Variants in AGAP1 observed in about 807,000 individuals in gnomAD.
AGAP1 encodes ArfGAP with GTPase domain, ankyrin repeat and PH domain 1, also known as arf-GAP with GTPase, ANK repeat and PH domain-containing protein 1.
In AGAP1, 29 loss-of-function variants were observed where a neutral mutation model predicts 105.3. The observed-to-expected ratio is 0.28, with a 90% CI of 0.21 to 0.38. The LOEUF is 0.38. Ranked by LOEUF, AGAP1 falls within the 10% of genes least tolerant of loss-of-function variation. The probability of loss-of-function intolerance (pLI) is 1.00; values close to 1 mark genes in which losing one functional copy is unlikely to be tolerated. For missense variants in AGAP1, 998 were observed against 1,165.1 expected, an observed-to-expected ratio of 0.86 and a Z score of 2.09; for synonymous variants, 509 against 485.9, an observed-to-expected ratio of 1.05 and a Z score of -0.63.
In AGAP1 at chr2:236,070,779, C is replaced by T. The variant is rs544901382; in HGVS notation, c.2114+21498C>T. 1.2e-3 allele frequency among the ~76,000 whole-genome samples: 184 copies of T among 151,404 alleles called. 1 individual carries two copies. Among genetic ancestry groups the T allele is most frequent in the African/African-American group, 4.1e-3 (169 of 41,218 alleles). Reference sequence around the variant, plus strand: ...GGGTGGCCCTGGGCCGGGGCAGGGGCGGGGAGGCATCAGGGGGATGGGCAG... The same window carrying T: ...GGGTGGCCCTGGGCCGGGGCAGGGGTGGGGAGGCATCAGGGGGATGGGCAG... On this transcript the variant is annotated intron_variant, in intron 16 of 17. Coordinates refer to ENST00000304032, the MANE Select transcript of AGAP1 (RefSeq NM_001037131.3).
rs910338872 is a variant in AGAP1, at chr2:236,128,104, C to G, written c.*3982C>G. On this transcript the variant is annotated 3_prime_UTR_variant, in exon 18 of 18. Transcript: ENST00000304032. The surrounding 1 kb of genome is among the most constrained non-coding windows in gnomAD (Gnocchi z 5.9). ...CCCCCCCCCAGTAGAGCCCAGGACC[C>G]TCCTCTCTCAGCTTGCCAGTGCCCT... The G allele has an allele frequency of 2.0e-5, 3 of 152,242 alleles. No individual in the cohort carries two copies. The highest frequency in any genetic ancestry group is 7.2e-5 in the African/African-American group (3 of 41,404). 9.4% of individuals were successfully genotyped at this position (152,242 alleles called of 1,614,324 possible).
At chr2:235,627,643 G>T (rs1316310909) in intron 1 of AGAP1, among the ~76,000 whole-genome samples, 1 of 152,142 alleles carries the variant, frequency 6.6e-6, no homozygotes, top group South Asian at 2.1e-4. Flanking sequence ...AGCAGCATCT[G>T]TTGATTTTGG....
chr2:235,914,063 C>T lies in AGAP1; in HGVS notation c.1324+5157C>T, dbSNP rs1007376975. Among the ~76,000 whole-genome samples, 4 of 151,806 alleles carry T rather than the reference C, an allele frequency of 2.6e-5. No individual in the cohort carries two copies. In the East Asian group the frequency reaches 5.8e-4, roughly 22 times the overall value. Reference sequence around the variant, plus strand: ...GTGAAGCTAATCCTTTTTAGAGAGGCGGGGTCTATTATGTCATCTAATTGG... The same window carrying T: ...GTGAAGCTAATCCTTTTTAGAGAGGTGGGGTCTATTATGTCATCTAATTGG... On this transcript the variant is annotated intron_variant, in intron 11 of 17. Transcript: ENST00000304032.
In AGAP1 at chr2:235,951,210, A is replaced by G. The variant is rs1559686275; in HGVS notation, c.1484-17252A>G. Among the ~76,000 whole-genome samples, 1 of 152,188 alleles carries G rather than the reference A, an allele frequency of 6.6e-6. No homozygotes were observed. Among genetic ancestry groups the G allele is most frequent in the African/African-American group, 2.4e-5 (1 of 41,452 alleles). ...TTTGAAAGGCTGTGCTTTAGAAGAC[A>G]CTTCCGACTTTGATCTGCAGTTGCG... On this transcript the variant is annotated intron_variant, in intron 12 of 17. Transcript: ENST00000304032. The surrounding 1 kb of genome is among the most constrained non-coding windows in gnomAD (Gnocchi z 4.2).
In AGAP1 at chr2:235,976,363, A is replaced by G. The variant is rs943667385; in HGVS notation, c.1645+7740A>G. On this transcript the variant is annotated intron_variant, in intron 13 of 17. Transcript: ENST00000304032. The surrounding 1 kb of genome is among the most constrained non-coding windows in gnomAD (Gnocchi z 4.5). ...ACTCAAAAGCCATCCTGCAGGGTACAGTCCGGCCGCCACAAACACACACAA... is the reference window on the plus strand; with the variant it reads ...ACTCAAAAGCCATCCTGCAGGGTACGGTCCGGCCGCCACAAACACACACAA... Among the ~76,000 whole-genome samples, 1 of 152,142 alleles carries G rather than the reference A, an allele frequency of 6.6e-6. No individual in the cohort carries two copies. The highest frequency in any genetic ancestry group is 1.5e-5 in the Non-Finnish European group (1 of 68,020).
chr2:235,890,572 C>T (rs962664361), intron 10 of AGAP1, among the ~76,000 whole-genome samples: 2 of 152,154 alleles, frequency 1.3e-5, no homozygotes, highest in African/African-American at 4.8e-5. Flanking sequence ...GTTCAGCCAC[C>T]AGTTGACAGT....
chr2:235,732,519 C>T lies in AGAP1; in HGVS notation c.311-8444C>T, dbSNP rs1952010455. The stretch of plus-strand genomic sequence containing the variant: ...AGTGGGAAGCGGTTGTAAGGGACTT[C>T]CTTCTGCTTTTTGAGCTTTGTTTTC... On this transcript the variant is annotated intron_variant, in intron 3 of 17. Coordinates refer to ENST00000304032, the MANE Select transcript of AGAP1 (RefSeq NM_001037131.3). The surrounding 1 kb of genome is among the most constrained non-coding windows in gnomAD (Gnocchi z 4.8). Among the ~76,000 whole-genome samples the T allele has an allele frequency of 6.7e-6, 1 of 150,178 alleles. No homozygotes were observed.
intron 13 of AGAP1, among the ~76,000 whole-genome samples, chr2:236,013,873 A>G (rs868157499): frequency 5.3e-5 from 8 of 152,102 alleles, no homozygotes; most frequent in Non-Finnish European, 1.2e-4. Flanking sequence ...TTTTTATAAA[A>G]TGTCTCCTGA....
rs201145604 is a variant in AGAP1 at position 235,655,071 on chromosome 2, CTT to C, written c.164-54095_164-54094del. Among the ~76,000 whole-genome samples, 5,333 of 143,600 alleles carry C rather than the reference CTT, an allele frequency of 0.037. 118 individuals are homozygous for C. The highest frequency in any genetic ancestry group is 0.057 in the Non-Finnish European group (3,733 of 65,364). 94.2% of individuals were successfully genotyped at this position (143,600 alleles called of 152,430 possible). A position where few individuals can be genotyped will look rare whatever the true frequency, so the allele number is the denominator to read the frequency against. On this transcript the variant is annotated intron_variant, in intron 1 of 17. Transcript: ENST00000304032. The surrounding 1 kb of genome is among the most constrained non-coding windows in gnomAD (Gnocchi z 4.3). ...TAATTACTATATCCAGAATGATCCT[CTT>C]TTTTTTTTTTTTGAGTTGTGTGTTA...
rs886474113 is a variant in AGAP1 at position 235,747,684 on chromosome 2, C to T, written c.539-2670C>T. On this transcript the variant is annotated intron_variant, in intron 5 of 17. Transcript: ENST00000304032. This position sits in a 1 kb window ranked among gnomAD's most constrained non-coding sequence, Gnocchi z 5.0. Reference sequence around the variant, plus strand: ...TGCACGTGGGCTCTGAGGGTCCCTGCCGCGACGCTTGCTTCCTGCGTGCAG... The same window carrying T: ...TGCACGTGGGCTCTGAGGGTCCCTGTCGCGACGCTTGCTTCCTGCGTGCAG... Among the ~76,000 whole-genome samples the T allele has an allele frequency of 6.6e-6, 1 of 152,230 alleles. No individual in the cohort carries two copies. The highest frequency in any genetic ancestry group is 1.5e-5 in the Non-Finnish European group (1 of 68,046).
At chr2:236,060,822 G>T (rs764231229) in intron 16 of AGAP1, among the ~76,000 whole-genome samples, 16 of 152,364 alleles carry the variant, frequency 1.1e-4, no homozygotes, top group Non-Finnish European at 2.2e-4. Flanking sequence ...AGCATGTGGG[G>T]AGGCTGAGGC....
Position 235,728,125 on chromosome 2 carries a change from C to G in AGAP1, c.310+10481C>G, listed in dbSNP as rs181354102. Among the ~76,000 whole-genome samples the G allele has an allele frequency of 2.6e-3, 390 of 152,228 alleles. 1 individual carries two copies. Among genetic ancestry groups the G allele is most frequent in the Non-Finnish European group, 4.6e-3 (310 of 68,014 alleles). On this transcript the variant is annotated intron_variant, in intron 3 of 17. Coordinates refer to ENST00000304032, the MANE Select transcript of AGAP1 (RefSeq NM_001037131.3). This position sits in a 1 kb window ranked among gnomAD's most constrained non-coding sequence, Gnocchi z 4.3. ...CCATGGCAAATTCCAAGGGCCAGGA[C>G]GATGGAGACAAGGGAAGTAGAAGTT...
rs1426581193 is a variant in AGAP1, at chr2:235,864,013, A to G, written c.1051-19332A>G. ...TGCGGAGGACTTGTAAATATTTTCC[A>G]TAGATATAAAAGTCGACTTCATAGC... On this transcript the variant is annotated intron_variant, in intron 9 of 17. Coordinates refer to ENST00000304032, the MANE Select transcript of AGAP1 (RefSeq NM_001037131.3). This position sits in a 1 kb window ranked among gnomAD's most constrained non-coding sequence, Gnocchi z 5.0. 6.6e-6 allele frequency among the ~76,000 whole-genome samples: 1 copy of G among 152,224 alleles called. No homozygotes were observed. The highest frequency in any genetic ancestry group is 1.5e-5 in the Non-Finnish European group (1 of 68,046).
At chr2:235,950,128 C>T (rs954029483) in intron 12 of AGAP1, among the ~76,000 whole-genome samples, 3 of 152,132 alleles carry the variant, frequency 2.0e-5, no homozygotes, top group African/African-American at 7.2e-5. Context: ...AGTTGGAGAG[C>T]GCAGAAAATG....
rs1950918449 is a variant in AGAP1, at chr2:235,712,797, C to A, written c.222+3560C>A. Among the ~76,000 whole-genome samples the A allele has an allele frequency of 6.6e-6, 1 of 152,240 alleles. No individual in the cohort carries two copies. Among genetic ancestry groups the A allele is most frequent in the Admixed American group, 6.5e-5 (1 of 15,280 alleles). On this transcript the variant is annotated intron_variant, in intron 2 of 17. Transcript: ENST00000304032. The surrounding 1 kb of genome is among the most constrained non-coding windows in gnomAD (Gnocchi z 6.0). ...ACACCTCATTCCTCCTCATGTAGCT[C>A]TTTGGCTCGCTCTGGATTGATTTCC...
chr2:235,710,552 G>A (rs554727770), intron 2 of AGAP1, among the ~76,000 whole-genome samples: 44 of 152,288 alleles, frequency 2.9e-4, no homozygotes, highest in Non-Finnish European at 2.6e-4. Flanking sequence ...GCACTTGCCC[G>A]TGGGAGACAA....
At chr2:235,649,115 T>A (rs982204229) in intron 1 of AGAP1, among the ~76,000 whole-genome samples, 5 of 152,144 alleles carry the variant, frequency 3.3e-5, no homozygotes, top group African/African-American at 4.8e-5. Context: ...TGCATTGGAA[T>A]TGAGTTGCAT....
rs1949725746 is a variant in AGAP1 at position 235,691,324 on chromosome 2, C to T, written c.164-17855C>T. Among the ~76,000 whole-genome samples the T allele has an allele frequency of 2.0e-5, 3 of 152,216 alleles. No homozygotes were observed. Among genetic ancestry groups the T allele is most frequent in the Non-Finnish European group, 2.9e-5 (2 of 68,044 alleles). ...GCAGTGGATGCTACCCTGTTGGTGGCAAGTTAGAAAGGCACACGTTGGTAA... is the reference window on the plus strand; with the variant it reads ...GCAGTGGATGCTACCCTGTTGGTGGTAAGTTAGAAAGGCACACGTTGGTAA... On this transcript the variant is annotated intron_variant, in intron 1 of 17. Transcript: ENST00000304032. The surrounding 1 kb of genome is among the most constrained non-coding windows in gnomAD (Gnocchi z 4.4).
intron 9 of AGAP1, among the ~76,000 whole-genome samples, chr2:235,823,818 G>A (rs1453472694): frequency 6.6e-6 from 1 of 152,082 alleles, no homozygotes; most frequent in African/African-American, 2.4e-5. Flanking sequence ...AAAGCATGTG[G>A]TTACTAAGAG....
Sources: allele counts gnomAD v4.1 joint callset (sites outside exome capture counted in the v4.1 genomes callset), GRCh38; gene constraint gnomAD v4.1.1; non-coding constraint Gnocchi (gnomAD v3.1); transcripts MANE v1.5; gene names NCBI Gene and HGNC (gene_info 2026-07-23, HGNC 2026-07-21).